LRRC4C: variants seen among roughly 807,000 people sequenced by gnomAD.
LRRC4C encodes the protein leucine-rich repeat-containing protein 4C.
In LRRC4C, 5 loss-of-function variants were observed where a neutral mutation model predicts 33.6. That is an observed-to-expected ratio of 0.15 (90% confidence interval 0.08 to 0.31). LRRC4C has a LOEUF of 0.31. LRRC4C is among the 10% of genes least tolerant of loss of function. The probability of loss-of-function intolerance (pLI) is 1.00; values close to 1 mark genes in which losing one functional copy is unlikely to be tolerated. For synonymous variants in LRRC4C, 329 were observed against 302.0 expected, an observed-to-expected ratio of 1.09 and a Z score of -0.93; for missense variants, 560 against 796.7, an observed-to-expected ratio of 0.70 and a Z score of 3.58.
intron 3 of LRRC4C, among the ~76,000 whole-genome samples, chr11:40,584,883 G>T (rs1329925265): frequency 2.0e-5 from 3 of 148,726 alleles, no homozygotes; most frequent in Non-Finnish European, 4.4e-5. Flanking sequence ...AGTGAGCCGA[G>T]ATCATGCCAC....
intron 2 of LRRC4C, among the ~76,000 whole-genome samples, chr11:40,689,540 G>T (rs1945127045): frequency 6.6e-6 from 1 of 151,962 alleles, no homozygotes; most frequent in African/African-American, 2.4e-5. Context: ...TATCTGGTTT[G>T]AAGTTCTTAC....
chr11:40,840,226 G>GA (rs1272182764), intron 2 of LRRC4C, among the ~76,000 whole-genome samples: 1 of 152,074 alleles, frequency 6.6e-6, no homozygotes, highest in Non-Finnish European at 1.5e-5. Context: ...TCCTATCAAA[G>GA]AAAAACAGAT....
chr11:40,429,728 A>T lies in LRRC4C; in HGVS notation c.-269-110007T>A, dbSNP rs112122271. Among the ~76,000 whole-genome samples the T allele has an allele frequency of 3.3e-4, 50 of 152,284 alleles. 2 individuals are homozygous for T. Among genetic ancestry groups the T allele is most frequent in the African/African-American group, 1.1e-3 (46 of 41,580 alleles). On this transcript the variant is annotated intron_variant, in intron 3 of 6. Coordinates refer to ENST00000528697, the MANE Select transcript of LRRC4C (RefSeq NM_001258419.2). ...ATTTAGAAAAAGTAATCTGATCCAA[A>T]TTTTAAAGATAAGAAAAAGTTTATA...
chr11:40,653,019 G>T (rs1942895444), intron 2 of LRRC4C, among the ~76,000 whole-genome samples: 1 of 152,144 alleles, frequency 6.6e-6, no homozygotes, highest in African/African-American at 2.4e-5. Context: ...CTGTGAAGCG[G>T]TGCCTTCTGC....
rs148156857 is a variant in LRRC4C, at chr11:40,763,093, G to GTA, written c.-406-114817_-406-114816dup. Among the ~76,000 whole-genome samples, 574 of 147,442 alleles carry GTA rather than the reference G, an allele frequency of 3.9e-3. 4 individuals are homozygous for GTA. The highest frequency in any genetic ancestry group is 0.014 in the African/African-American group (553 of 40,050). On this transcript the variant is annotated intron_variant, in intron 2 of 6. Coordinates refer to ENST00000528697, the MANE Select transcript of LRRC4C (RefSeq NM_001258419.2). ...TATATGTATACACACACATATATATGTATATATATATATTTATGTATGTGT... is the reference window on the plus strand; with the variant it reads ...TATATGTATACACACACATATATATGTATATATATATATATTTATGTATGTGT...
chr11:40,430,738 T>C (rs1436707267), intron 3 of LRRC4C, among the ~76,000 whole-genome samples: 2 of 152,066 alleles, frequency 1.3e-5, no homozygotes, highest in South Asian at 4.1e-4. Context: ...TAATATGTGA[T>C]GTTACGTCAA....
At chr11:40,938,990 T>C (rs1009823473) in intron 1 of LRRC4C, among the ~76,000 whole-genome samples, 1 of 152,088 alleles carries the variant, frequency 6.6e-6, no homozygotes, top group Non-Finnish European at 1.5e-5. Flanking sequence ...ATTAAAATAG[T>C]ATTATATAAT....
At chr11:40,880,093 C>A (rs1365248496) in intron 2 of LRRC4C, among the ~76,000 whole-genome samples, 1 of 152,074 alleles carries the variant, frequency 6.6e-6, no homozygotes, top group African/African-American at 2.4e-5. Context: ...TGTGAGAAAA[C>A]CAGGCAGGCA....
intron 1 of LRRC4C, among the ~76,000 whole-genome samples, chr11:41,296,315 C>CT (rs11347878): frequency 1.1e-3 from 161 of 147,476 alleles, no homozygotes; most frequent in Middle Eastern, 3.6e-3. Flanking sequence ...TTATGCTGTG[C>CT]TTTTTTTTTT....
chr11:40,187,804 C>T (rs922930456), intron 5 of LRRC4C, among the ~76,000 whole-genome samples: 1 of 151,968 alleles, frequency 6.6e-6, no homozygotes, highest in Admixed American at 6.6e-5. Context: ...CAATCAATAC[C>T]CTGTAGAGAA....
At chr11:41,017,405 T>A in intron 1 of LRRC4C, among the ~76,000 whole-genome samples, 1 of 152,162 alleles carries the variant, frequency 6.6e-6, no homozygotes, top group East Asian at 1.9e-4. Context: ...CCAAGGAACA[T>A]CTACAAAATT....
chr11:41,455,826 C>T (rs1311631422), intron 1 of LRRC4C, among the ~76,000 whole-genome samples: 3 of 152,058 alleles, frequency 2.0e-5, no homozygotes, highest in African/African-American at 4.8e-5. Flanking sequence ...TTTGAATGAC[C>T]TACCAACCAT....
At chr11:41,264,498 C>A (rs1208666441) in intron 1 of LRRC4C, among the ~76,000 whole-genome samples, 1 of 152,020 alleles carries the variant, frequency 6.6e-6, no homozygotes, top group African/African-American at 2.4e-5. Context: ...GCAATAAATA[C>A]CATTTTTCAG....
At chr11:40,310,901 A>G (rs1009987091) in intron 4 of LRRC4C, among the ~76,000 whole-genome samples, 1 of 152,184 alleles carries the variant, frequency 6.6e-6, no homozygotes, top group African/African-American at 2.4e-5. Context: ...TTTAGGGTCC[A>G]TTTGAAAATA....
chr11:40,792,692 G>A (rs553794038), intron 2 of LRRC4C, among the ~76,000 whole-genome samples: 67 of 152,192 alleles, frequency 4.4e-4, no homozygotes, highest in African/African-American at 1.6e-3. Flanking sequence ...GCACACGTAT[G>A]TTTATTGCAG....
chr11:40,811,217 T>C (rs538805229), intron 2 of LRRC4C, among the ~76,000 whole-genome samples: 238 of 152,276 alleles, frequency 1.6e-3, no homozygotes, highest in Non-Finnish European at 2.3e-3. Context: ...TGTGACCTTC[T>C]AAAAGAGGCC....
chr11:40,252,230 C>T (rs1245467391), intron 4 of LRRC4C, among the ~76,000 whole-genome samples: 4 of 151,792 alleles, frequency 2.6e-5, no homozygotes, highest in Admixed American at 2.0e-4. Flanking sequence ...CATATACTCA[C>T]ACTCACCTAA....
chr11:41,442,044 C>T (rs979386758), intron 1 of LRRC4C, among the ~76,000 whole-genome samples: 2 of 152,146 alleles, frequency 1.3e-5, no homozygotes, highest in African/African-American at 4.8e-5. Context: ...TGTCATTATA[C>T]AAAACCTTCC....
chr11:41,264,379 C>T (rs974633596), intron 1 of LRRC4C, among the ~76,000 whole-genome samples: 2 of 152,106 alleles, frequency 1.3e-5, no homozygotes, highest in Admixed American at 1.3e-4. Flanking sequence ...CGTAAGCCAC[C>T]ATGCCCAGCC....
Sources: gnomAD v4.1 joint callset for allele counts (sites outside exome capture counted in the v4.1 genomes callset) on GRCh38, gnomAD v4.1.1 for gene constraint, MANE v1.5 for transcripts, NCBI Gene and HGNC (gene_info 2026-07-23, HGNC 2026-07-21) for gene names.